Variants in COL25A1 observed in about 807,000 individuals in gnomAD.
COL25A1 encodes the protein collagen type XXV alpha 1 chain, also known as collagen alpha-1(XXV) chain.
In COL25A1, 103 loss-of-function variants were observed where a neutral mutation model predicts 128.4. That is an observed-to-expected ratio of 0.80 (90% CI 0.68 to 0.94). COL25A1 has a LOEUF of 0.94. Ranked by LOEUF, COL25A1 falls within the 40% of genes least tolerant of loss-of-function variation. The pLI is 0.00. For synonymous variants in COL25A1, 279 were observed against 277.2 expected, an observed-to-expected ratio of 1.01 and a Z score of -0.06; for missense variants, 745 against 840.0, an observed-to-expected ratio of 0.89 and a Z score of 1.40.
At chr4:108,983,245 T>C (rs1578975906) in intron 6 of COL25A1, among the ~76,000 whole-genome samples, 1 of 152,186 alleles carries the variant, frequency 6.6e-6, no homozygotes, top group African/African-American at 2.4e-5. Context: ...GTGAAAGACT[T>C]GGAATCCTAA....
chr4:108,884,539 TC>T (rs1243739560), intron 18 of COL25A1, among the ~76,000 whole-genome samples: 1 of 152,146 alleles, frequency 6.6e-6, no homozygotes, highest in African/African-American at 2.4e-5. Flanking sequence ...CTTAAATGAT[TC>T]GGTGGGGAGG....
At chr4:109,288,175 C>T (rs1344678358) in intron 3 of COL25A1, among the ~76,000 whole-genome samples, 1 of 152,170 alleles carries the variant, frequency 6.6e-6, no homozygotes, top group Non-Finnish European at 1.5e-5. Context: ...CCTTCCCCTT[C>T]CTCAGCCTTA....
At chr4:109,257,326 A>C (rs938517547) in intron 3 of COL25A1, among the ~76,000 whole-genome samples, 1 of 152,158 alleles carries the variant, frequency 6.6e-6, no homozygotes, top group African/African-American at 2.4e-5. Context: ...TTCTTATCTT[A>C]TATTTTTAGA....
intron 1 of COL25A1, 24 bp from the exon 2 acceptor site, chr4:109,302,099 T>C (rs924437215): frequency 3.4e-6 from 5 of 1,465,766 alleles, no homozygotes; most frequent in Non-Finnish European, 4.5e-6. Flanking sequence ...AAAAGGTCGA[T>C]TCCTCCAAAG....
chr4:109,294,432 T>C (rs1187781450), intron 3 of COL25A1, among the ~76,000 whole-genome samples: 1 of 152,118 alleles, frequency 6.6e-6, no homozygotes. Flanking sequence ...TATTTCTTAA[T>C]TGCAAGATTT....
intron 9 of COL25A1, 23 bp from the exon 10 acceptor site, chr4:108,940,669 C>A (rs1014335244): frequency 6.9e-7 from 1 of 1,442,398 alleles, no homozygotes; most frequent in Non-Finnish European, 9.4e-7. Flanking sequence ...AGGGAACAGA[C>A]CAGCAATAAC....
intron 6 of COL25A1, among the ~76,000 whole-genome samples, chr4:108,987,427 G>A (rs1753760759): frequency 6.7e-6 from 1 of 150,238 alleles, no homozygotes; most frequent in Admixed American, 6.7e-5. Flanking sequence ...CCAGGCTGGA[G>A]TGCAGTGGCA....
Position 108,813,660 on chromosome 4 carries a change from C to A in COL25A1, c.*267G>T. ...GCTAGTACAATCAATCATTCTCTAC[C>A]ACTGATTTGTCCATATAAATACGTA... On this transcript the variant is annotated 3_prime_UTR_variant, in exon 38 of 38. Transcript: ENST00000399132. 7.9e-6 allele frequency: 3 copies of A among 381,028 alleles called. No individual in the cohort carries two copies. The highest frequency in any genetic ancestry group is 6.1e-5 in the South Asian group (1 of 16,464). The allele number at this position is 381,028 out of a possible 1,614,324, so 23.6% of individuals were successfully genotyped here. A position where few individuals can be genotyped will look rare whatever the true frequency, so the allele number is the denominator to read the frequency against.
intron 3 of COL25A1, among the ~76,000 whole-genome samples, chr4:109,132,587 C>T (rs1769326270): frequency 6.6e-6 from 1 of 152,014 alleles, no homozygotes; most frequent in Non-Finnish European, 1.5e-5. Context: ...ATCATAGAAT[C>T]AATTTAAGTA....
chr4:108,906,908 G>A (rs1743596496), intron 13 of COL25A1, among the ~76,000 whole-genome samples: 1 of 152,196 alleles, frequency 6.6e-6, no homozygotes, highest in South Asian at 2.1e-4. Flanking sequence ...CCTACATGAA[G>A]ATGTGAAGCA....
intron 31 of COL25A1, among the ~76,000 whole-genome samples, chr4:108,835,859 G>GTTT (rs1560721327): frequency 1.1e-5 from 1 of 89,520 alleles, no homozygotes; most frequent in Non-Finnish European, 2.1e-5. Context: ...GCTTACATAC[G>GTTT]TCTTTTTTTT....
chr4:109,199,637 T>C (rs1038992187), intron 3 of COL25A1, among the ~76,000 whole-genome samples: 2 of 152,124 alleles, frequency 1.3e-5, no homozygotes, highest in African/African-American at 4.8e-5. Context: ...AATAAGTATA[T>C]ATTTATAGTT....
intron 5 of COL25A1, among the ~76,000 whole-genome samples, chr4:109,028,938 A>G (rs545412880): frequency 2.1e-4 from 32 of 152,102 alleles, no homozygotes; most frequent in South Asian, 6.2e-4. Context: ...TGTCATAATA[A>G]AGGTAACCAG....
At chr4:108,966,467 A>T (rs891794225) in intron 8 of COL25A1, among the ~76,000 whole-genome samples, 33 of 152,130 alleles carry the variant, frequency 2.2e-4, no homozygotes, top group Non-Finnish European at 4.4e-5. Flanking sequence ...TTGAGTCCCA[A>T]CACTGTCTTT....
At chr4:109,133,978 A>G (rs1360509560) in intron 3 of COL25A1, among the ~76,000 whole-genome samples, 1 of 152,196 alleles carries the variant, frequency 6.6e-6, no homozygotes, top group Non-Finnish European at 1.5e-5. Flanking sequence ...TGGAAGAACT[A>G]CAGGGAGAGG....
intron 3 of COL25A1, among the ~76,000 whole-genome samples, chr4:109,263,481 T>A (rs923525588): frequency 2.0e-4 from 31 of 152,178 alleles, no homozygotes; most frequent in African/African-American, 7.5e-4. Context: ...AATGAGCTCT[T>A]GATTTCACCA....
At chr4:108,847,939 G>A (rs1051688517) in intron 27 of COL25A1, among the ~76,000 whole-genome samples, 4 of 151,958 alleles carry the variant, frequency 2.6e-5, no homozygotes, top group South Asian at 2.1e-4. Flanking sequence ...CATTTCTTGG[G>A]TAAATAATGG....
At chr4:108,968,801 C>T (rs747860701) in intron 8 of COL25A1, among the ~76,000 whole-genome samples, 1 of 152,126 alleles carries the variant, frequency 6.6e-6, no homozygotes, top group African/African-American at 2.4e-5. Flanking sequence ...ATCAAGATCA[C>T]GAATTCAACA....
At chr4:108,868,536 A>G (rs1738221604) in intron 20 of COL25A1, among the ~76,000 whole-genome samples, 1 of 55,800 alleles carries the variant, frequency 1.8e-5, no homozygotes, top group South Asian at 8.5e-4. Flanking sequence ...GAAAAGAAAG[A>G]AAGAAAAGAA....
Sources: allele counts gnomAD v4.1 joint callset (sites outside exome capture counted in the v4.1 genomes callset), GRCh38; gene constraint gnomAD v4.1.1; transcripts MANE v1.5; gene names NCBI Gene and HGNC (gene_info 2026-07-23, HGNC 2026-07-21).